C12orf42: variants seen among roughly 807,000 people sequenced by gnomAD.
C12orf42 encodes chromosome 12 open reading frame 42, also known as uncharacterized protein C12orf42.
C12orf42 carries 25 observed loss-of-function variants against 21.6 expected under a neutral mutation model. The ratio of observed to expected loss-of-function variants is 1.16; its 90% CI spans 0.84 to 1.62. The LOEUF (loss-of-function observed/expected upper bound fraction) is 1.62, where lower values mean the gene tolerates loss of function less well. C12orf42 is among the 40% of genes most tolerant of loss of function. The probability of loss-of-function intolerance (pLI) is 0.00; values close to 1 mark genes in which losing one functional copy is unlikely to be tolerated. For missense variants in C12orf42, 483 were observed against 459.3 expected (o/e 1.05, Z -0.47); for synonymous variants, 174 against 175.0 (o/e 0.99, Z 0.05).
chr12:103,100,427 C>T, the C12orf42 span, among the ~76,000 whole-genome samples: 2 of 152,190 alleles, frequency 1.3e-5, no homozygotes, highest in South Asian at 4.1e-4. Flanking sequence ...AACAACTGAG[C>T]AGAAACAGAA....
intron 4 of C12orf42, among the ~76,000 whole-genome samples, chr12:103,310,997 C>T (rs904026345): frequency 2.6e-5 from 4 of 152,154 alleles, no homozygotes; most frequent in Non-Finnish European, 5.9e-5. Context: ...TATACACTTT[C>T]GCATTCCAGG....
chr12:103,137,416 A>G, the C12orf42 span, among the ~76,000 whole-genome samples: 1 of 151,982 alleles, frequency 6.6e-6, no homozygotes, highest in Non-Finnish European at 1.5e-5. Context: ...CAGAGTGTTG[A>G]TGGGAATGTA....
the C12orf42 span, among the ~76,000 whole-genome samples, chr12:103,199,467 A>G: frequency 6.6e-6 from 1 of 152,366 alleles, no homozygotes; most frequent in Non-Finnish European, 1.5e-5. Context: ...AAATTAGATA[A>G]GTCAACCTAA....
the C12orf42 span, among the ~76,000 whole-genome samples, chr12:103,555,268 A>C: frequency 0.35 from 53,111 of 152,026 alleles, 9,682 homozygotes; most frequent in Non-Finnish European, 0.4. Flanking sequence ...TCATGGTGGA[A>C]GGCAAGAAGG....
chr12:103,502,219 C>A, the C12orf42 span, among the ~76,000 whole-genome samples: 35 of 152,286 alleles, frequency 2.3e-4, no homozygotes, highest in African/African-American at 8.2e-4. Flanking sequence ...CCCTCCACCC[C>A]CTTGACTGGT....
At chr12:103,268,388 A>G (rs1660933031), downstream of C12orf42, 1 of 152,108 alleles carries the variant, frequency 6.6e-6, no homozygotes, top group Admixed American at 6.6e-5. Context: ...CCTATGCAGA[A>G]CACAAACAGG....
rs529909547 is a variant in C12orf42 at position 103,485,673 on chromosome 12, A to G, written c.-21-7226T>C. On this transcript the variant is annotated intron_variant, in intron 1 of 5. Transcript: ENST00000548883. ...TGAGCAGTGGTTTGTAGTTCTCCTC[A>G]AAGAGGTCCTTCACATCCCTTGTAA... Among the ~76,000 whole-genome samples the G allele has an allele frequency of 3.3e-5, 5 of 152,240 alleles. No individual in the cohort carries two copies. The East Asian group carries it at 5.8e-4, about 18-fold the overall frequency.
At chr12:103,189,984 T>TATATATAC in the C12orf42 span, among the ~76,000 whole-genome samples, 451 of 151,316 alleles carry the variant, frequency 3.0e-3, 2 homozygotes, top group African/African-American at 0.01. Flanking sequence ...TATATATATA[T>TATATATAC]ACACACACAC....
At chr12:103,398,847 T>C (rs2047748740) in intron 3 of C12orf42, among the ~76,000 whole-genome samples, 1 of 152,140 alleles carries the variant, frequency 6.6e-6, no homozygotes, top group East Asian at 1.9e-4. Context: ...AGCATGCTGT[T>C]TAAGGACTAA....
intron 2 of C12orf42, among the ~76,000 whole-genome samples, chr12:103,455,520 A>T (rs530363570): frequency 5.9e-5 from 9 of 152,086 alleles, no homozygotes; most frequent in Non-Finnish European, 7.4e-5. Context: ...ACTCTTATGC[A>T]TCCTGGTTTG....
At chr12:103,286,835 T>A (rs1211085145) in intron 4 of C12orf42, among the ~76,000 whole-genome samples, 1 of 151,824 alleles carries the variant, frequency 6.6e-6, no homozygotes, top group Non-Finnish European at 1.5e-5. Context: ...TAAACAGGAA[T>A]GTGTTGGGTA....
chr12:103,135,843 G>C, the C12orf42 span, among the ~76,000 whole-genome samples: 5 of 152,162 alleles, frequency 3.3e-5, no homozygotes, highest in Non-Finnish European at 7.4e-5. Context: ...AAGACCATTT[G>C]ATAAAATTCA....
chr12:103,522,263 T>TCAAC, the C12orf42 span, among the ~76,000 whole-genome samples: 1 of 152,174 alleles, frequency 6.6e-6, no homozygotes, highest in South Asian at 2.1e-4. Flanking sequence ...AGGTAAGGCA[T>TCAAC]CGGTTGTTCT....
the C12orf42 span, among the ~76,000 whole-genome samples, chr12:103,140,038 C>T: frequency 1.3e-5 from 2 of 152,114 alleles, no homozygotes; most frequent in African/African-American, 2.4e-5. Context: ...AGTGCTCAGC[C>T]CAACCTCGAG....
chr12:103,434,705 C>A (rs976895747), intron 2 of C12orf42, among the ~76,000 whole-genome samples: 10 of 152,238 alleles, frequency 6.6e-5, no homozygotes, highest in African/African-American at 2.2e-4. Context: ...GCTTAAAAAA[C>A]ACCGCACCAC....
chr12:103,426,605 C>T (rs1592751471), intron 2 of C12orf42, among the ~76,000 whole-genome samples: 1 of 152,132 alleles, frequency 6.6e-6, no homozygotes, highest in South Asian at 2.1e-4. Context: ...TCAGGAAATA[C>T]AGAGAACACC....
chr12:103,471,630 C>G (rs1407929053), intron 2 of C12orf42, among the ~76,000 whole-genome samples: 1 of 152,166 alleles, frequency 6.6e-6, no homozygotes, highest in Non-Finnish European at 1.5e-5. Flanking sequence ...AGGATTTGAA[C>G]CCAGGGTCAA....
chr12:103,175,408 A>G, the C12orf42 span, among the ~76,000 whole-genome samples: 1 of 152,234 alleles, frequency 6.6e-6, no homozygotes, highest in Admixed American at 6.5e-5. Context: ...ATGAAAGGAC[A>G]GTTGAACAAG....
the C12orf42 span, among the ~76,000 whole-genome samples, chr12:103,510,091 TG>T: frequency 1.3e-5 from 2 of 152,166 alleles, no homozygotes; most frequent in African/African-American, 4.8e-5. Context: ...ATTGCAAAAA[TG>T]TGGAGCCAGC....
Sources: allele counts gnomAD v4.1 joint callset (sites outside exome capture counted in the v4.1 genomes callset), GRCh38; gene constraint gnomAD v4.1.1; transcripts MANE v1.5; gene names NCBI Gene and HGNC (gene_info 2026-07-23, HGNC 2026-07-21).